Variants in CFAP221 observed in about 807,000 individuals in gnomAD.
CFAP221 encodes cilia and flagella associated protein 221, also known as cilia- and flagella-associated protein 221.
CFAP221 carries 97 observed loss-of-function variants against 113.1 expected under a neutral mutation model. That is an observed-to-expected ratio of 0.86 (90% CI 0.73 to 1.02). The LOEUF (loss-of-function observed/expected upper bound fraction) is 1.02. Among genes scored for constraint, CFAP221 ranks in the 50% least tolerant of loss-of-function variants. CFAP221 has a pLI of 0.00. For missense variants in CFAP221, 1,025 were observed against 1,013.4 expected, an observed-to-expected ratio of 1.01 and a Z score of -0.16; for synonymous variants, 331 against 354.4, an observed-to-expected ratio of 0.93 and a Z score of 0.74.
At chr2:119,559,367 C>G (rs996694431) in intron 3 of CFAP221, among the ~76,000 whole-genome samples, 6 of 148,574 alleles carry the variant, frequency 4.0e-5, no homozygotes, top group Non-Finnish European at 8.9e-5. Context: ...TTGAATTAAA[C>G]AAAAAGCACT....
At position 119,656,354 on chromosome 2, in the gene CFAP221, A is replaced by C. The variant is rs756817791; in HGVS notation, c.2415-8A>C. The C allele has an allele frequency of 2.5e-6, 4 of 1,612,780 alleles. No individual in the cohort carries two copies. Among genetic ancestry groups the C allele is most frequent in the Non-Finnish European group, 3.4e-6 (4 of 1,178,896 alleles). Reference sequence around the variant, plus strand: ...TCATGTTTCCTTCTTGGGTTTTTTGATACTCAGAGAAGTGAAAGATCAAGC... The same window carrying C: ...TCATGTTTCCTTCTTGGGTTTTTTGCTACTCAGAGAAGTGAAAGATCAAGC... On this transcript the variant is annotated splice_region_variant and splice_polypyrimidine_tract_variant and intron_variant, in intron 23 of 23. Coordinates refer to ENST00000413369, the MANE Select transcript of CFAP221 (RefSeq NM_001271049.2).
rs546995825 is a variant in CFAP221, at chr2:119,625,677, C to T, written c.1505C>T (p.Ser502Leu). Residue 502 changes from serine (S) to leucine (L), a missense_variant, in exon 15 of 24, where the codon TCG becomes TTG. Physicochemically the swap from Ser to Leu is moderately radical, Grantham distance 145. Coordinates refer to ENST00000413369, the MANE Select transcript of CFAP221 (RefSeq NM_001271049.2). Reference sequence around the variant, plus strand: ...AGAAAGATTGGCCAAGCAAAACAATCGATAGCACAAGGTGAAGTATGGCTG... The same window carrying T: ...AGAAAGATTGGCCAAGCAAAACAATTGATAGCACAAGGTGAAGTATGGCTG... The part of the protein sequence containing the change: ...ILRKIGQAKQ[S>L]IAQEANFFKF... The T allele has an allele frequency of 8.7e-6, 14 of 1,606,888 alleles. No homozygotes were observed. Among genetic ancestry groups the T allele is most frequent in the East Asian group, 2.2e-5 (1 of 44,842 alleles).
intron 3 of CFAP221, among the ~76,000 whole-genome samples, chr2:119,550,954 T>C (rs945030807): frequency 6.6e-6 from 1 of 152,192 alleles, no homozygotes; most frequent in Non-Finnish European, 1.5e-5. Flanking sequence ...CCAGTTTCTG[T>C]CTATAGATTT....
At chr2:119,645,640 TAACAA>T (rs1687759437) in intron 21 of CFAP221, among the ~76,000 whole-genome samples, 1 of 152,054 alleles carries the variant, frequency 6.6e-6, no homozygotes, top group Non-Finnish European at 1.5e-5. Context: ...TTTTGCACAA[TAACAA>T]AACAAAGATA....
intron 14 of CFAP221, among the ~76,000 whole-genome samples, chr2:119,623,562 C>T (rs1464052130): frequency 6.6e-6 from 1 of 152,190 alleles, no homozygotes. Context: ...ATCGCCAAGA[C>T]AATCCTAAGC....
downstream of CFAP221, chr2:119,656,688 G>GT: frequency 2.7e-6 from 1 of 363,900 alleles, no homozygotes; most frequent in South Asian, 4.0e-5. Flanking sequence ...TTGGTGCGGT[G>GT]TTTAGTGCCG....
chr2:119,566,727 C>T (rs777913862), intron 6 of CFAP221, among the ~76,000 whole-genome samples: 68 of 152,190 alleles, frequency 4.5e-4, no homozygotes, highest in Non-Finnish European at 7.9e-4. Flanking sequence ...GTCTTTCCTA[C>T]CCGCACACCC....
chr2:119,565,297 A>T (rs996371334), intron 6 of CFAP221, among the ~76,000 whole-genome samples: 7 of 152,208 alleles, frequency 4.6e-5, no homozygotes, highest in African/African-American at 1.7e-4. Context: ...TTGAGAACAG[A>T]TATTTCCTTT....
intron 2 of CFAP221, 26 bp downstream of exon 2, chr2:119,546,296 T>C (rs1253501539): frequency 4.6e-6 from 7 of 1,530,334 alleles, no homozygotes; most frequent in Non-Finnish European, 6.1e-6. Context: ...ACAGATTTGC[T>C]TTACAGCTCA....
chr2:119,619,832 A>G (rs920199264), intron 14 of CFAP221, among the ~76,000 whole-genome samples: 2 of 152,210 alleles, frequency 1.3e-5, no homozygotes, highest in Admixed American at 6.5e-5. Flanking sequence ...AAAGAAAGCT[A>G]AGAACCTTGA....
In CFAP221 at chr2:119,638,255, G is replaced by A. The variant is rs760962663; in HGVS notation, c.1975-4G>A. The A allele has an allele frequency of 1.9e-6, 3 of 1,613,944 alleles. No individual in the cohort carries two copies. Among genetic ancestry groups the A allele is most frequent in the Admixed American group, 1.7e-5 (1 of 60,012 alleles). ...AAAGAATATTTTTTCCCTGTCTTCG[G>A]CAGAATCCCAACCCAGGATTATTTG... On this transcript the variant is annotated splice_polypyrimidine_tract_variant and splice_region_variant and intron_variant, in intron 19 of 23. Transcript: ENST00000413369.
chr2:119,608,529 GTCTTTTAAACTTAAAA>G lies in CFAP221; in HGVS notation c.1162_1177del (p.Ser388LysfsTer16). 6.2e-7 allele frequency: 1 copy of G among 1,605,676 alleles called. No homozygotes were observed. The highest frequency in any genetic ancestry group is 8.5e-7 in the Non-Finnish European group (1 of 1,176,000). ...AGGTGCACCTTGGTAAAGATCCTATGTCTTTTAAACTTAAAAAAGAGCTTACTGAAGAGTGGCAAAA... is the reference window on the plus strand; with the variant it reads ...AGGTGCACCTTGGTAAAGATCCTATGAAGAGCTTACTGAAGAGTGGCAAAA... On this transcript the variant is annotated frameshift_variant, in exon 12 of 24. Transcript: ENST00000413369. LOFTEE classifies it high-confidence loss of function.
intron 7 of CFAP221, among the ~76,000 whole-genome samples, chr2:119,597,823 G>C (rs1423612918): frequency 6.6e-6 from 1 of 152,160 alleles, no homozygotes; most frequent in African/African-American, 2.4e-5. Context: ...AGAGGCTGAA[G>C]TTACAAACTT....
At chr2:119,617,284 G>A (rs1408893398) in intron 14 of CFAP221, among the ~76,000 whole-genome samples, 1 of 152,106 alleles carries the variant, frequency 6.6e-6, no homozygotes, top group Non-Finnish European at 1.5e-5. Context: ...CTATTTACCA[G>A]CCTCCAAGGC....
intron 14 of CFAP221, among the ~76,000 whole-genome samples, chr2:119,621,472 A>G (rs543858577): frequency 1.3e-5 from 2 of 152,324 alleles, no homozygotes; most frequent in South Asian, 4.1e-4. Flanking sequence ...TTTCAATATT[A>G]GAAAGATCAA....
Position 119,628,294 on chromosome 2 carries a change from GGT to G in CFAP221, c.1650+547_1650+548del, listed in dbSNP as rs70949303. 6.6e-3 allele frequency among the ~76,000 whole-genome samples: 914 copies of G among 137,556 alleles called. 14 individuals carry two copies. Among genetic ancestry groups the G allele is most frequent in the African/African-American group, 0.022 (805 of 36,436 alleles). 90.2% of individuals were successfully genotyped at this position (137,556 alleles called of 152,430 possible). A position where few individuals can be genotyped will look rare whatever the true frequency, so the allele number is the denominator to read the frequency against. Reference sequence around the variant, plus strand: ...CTTCTCTCTCTCTCTCTCTCTGGGGGGTGTGTGTGTGTGTGTGTGTGTGTGTG... The same window carrying G: ...CTTCTCTCTCTCTCTCTCTCTGGGGGGTGTGTGTGTGTGTGTGTGTGTGTG... On this transcript the variant is annotated intron_variant, in intron 16 of 23. Coordinates refer to ENST00000413369, the MANE Select transcript of CFAP221 (RefSeq NM_001271049.2).
chr2:119,568,789 T>C (rs1176330757), intron 6 of CFAP221, among the ~76,000 whole-genome samples: 1 of 152,210 alleles, frequency 6.6e-6, no homozygotes, highest in African/African-American at 2.4e-5. Context: ...TGAATAGTGC[T>C]GCAACGATTG....
chr2:119,649,853 G>A (rs1688023012), intron 22 of CFAP221, among the ~76,000 whole-genome samples: 1 of 152,178 alleles, frequency 6.6e-6, no homozygotes, highest in South Asian at 2.1e-4. Flanking sequence ...GGTTGACCGA[G>A]GCCATCTGAG....
chr2:119,659,461 G>A (rs73948922), downstream of CFAP221, among the ~76,000 whole-genome samples: 2,023 of 152,338 alleles, frequency 0.013, 46 homozygotes, highest in African/African-American at 0.046. Flanking sequence ...GGAACATTAC[G>A]ATGGCTCTAA....
Sources: gnomAD v4.1 joint callset for allele counts (sites outside exome capture counted in the v4.1 genomes callset) on GRCh38, gnomAD v4.1.1 for gene constraint, MANE v1.5 for transcripts, NCBI Gene and HGNC (gene_info 2026-07-23, HGNC 2026-07-21) for gene names.